CFAP44: variants seen among roughly 807,000 people sequenced by gnomAD.
CFAP44 encodes cilia and flagella associated protein 44, also known as cilia- and flagella-associated protein 44.
A neutral mutation model predicts 216.2 loss-of-function variants in CFAP44; 134 were observed. The ratio of observed to expected loss-of-function variants is 0.62; its 90% CI spans 0.54 to 0.72. CFAP44 has a LOEUF of 0.72. CFAP44 is among the 30% of genes least tolerant of loss of function. CFAP44 has a pLI of 0.00. For synonymous variants in CFAP44, 700 were observed against 727.6 expected (o/e 0.96, Z 0.61); for missense variants, 2,035 against 2,182.1 (o/e 0.93, Z 1.34).
intron 32 of CFAP44, among the ~76,000 whole-genome samples, chr3:113,300,943 T>A (rs1949928334): frequency 1.3e-5 from 2 of 152,136 alleles, no homozygotes; most frequent in Non-Finnish European, 2.9e-5. Flanking sequence ...TAATTTAACA[T>A]TTTTTAAAAA....
At position 113,396,859 on chromosome 3, in the gene CFAP44, T is replaced by G. The variant is rs567436093; in HGVS notation, c.1570-132A>C. On this transcript the variant is annotated intron_variant, in intron 13 of 34. Transcript: ENST00000393845. ...ATTGGCAATTCTTTATATCACTTTC[T>G]GGTAACCTCTATCCATTCCAGCATA... 1.5e-4 allele frequency: 126 copies of G among 846,246 alleles called. 2 individuals are homozygous for G. In the South Asian group the frequency reaches 2.2e-3, roughly 15 times the overall value. 52.4% of individuals were successfully genotyped at this position (846,246 alleles called of 1,614,324 possible).
chr3:113,356,560 C>T (rs1950493964), intron 22 of CFAP44, among the ~76,000 whole-genome samples: 1 of 152,108 alleles, frequency 6.6e-6, no homozygotes, highest in Non-Finnish European at 1.5e-5. Context: ...AGTTACCTGA[C>T]TTATGACAAA....
rs1352060717 is a variant in CFAP44 at position 113,327,670 on chromosome 3, C to T, written c.4266G>A (p.Glu1422=). The change falls in exon 27 of 35, where the codon GAG becomes GAA. Residue 1422 remains glutamate (E), a synonymous_variant. Coordinates refer to ENST00000393845, the MANE Select transcript of CFAP44 (RefSeq NM_001164496.2). The part of the protein sequence containing the change: ...ILLLKNFEKQ[E]NILQERVNSL... ...AATTAACACGTTCTTGAAGTATGTT[C>T]TCCTGTTTTTCAAAATTCTTCAGGA... 6.5e-7 allele frequency: 1 copy of T among 1,536,996 alleles called. No individual in the cohort carries two copies. The highest frequency in any genetic ancestry group is 8.7e-7 in the Non-Finnish European group (1 of 1,146,732).
At chr3:113,360,407 G>T in intron 21 of CFAP44, 2 of 230,854 alleles carry the variant, frequency 8.7e-6, no homozygotes, top group South Asian at 1.5e-4. Context: ...ATTGGGGTTT[G>T]ACAGTATTGG....
intron 32 of CFAP44, 93 bp from the exon 33 acceptor site, chr3:113,296,978 T>G: frequency 7.3e-7 from 1 of 1,378,648 alleles, no homozygotes; most frequent in South Asian, 1.3e-5. Context: ...GAACTGCTTT[T>G]GCAAGATGAT....
chr3:113,365,950 CTT>C, intron 19 of CFAP44, 87 bp downstream of exon 19: 1 of 1,424,370 alleles, frequency 7.0e-7, no homozygotes, highest in Non-Finnish European at 9.4e-7. Flanking sequence ...GTCTAAATAA[CTT>C]TTAATTTATA....
intron 14 of CFAP44, 97 bp from the exon 15 acceptor site, chr3:113,395,957 C>T (rs1335641629): frequency 1.3e-6 from 1 of 788,902 alleles, no homozygotes; most frequent in Non-Finnish European, 2.0e-6. Flanking sequence ...CTATCTCTAT[C>T]TACAATGGTC....
At chr3:113,379,644 T>C in intron 16 of CFAP44, 93 bp from the exon 17 acceptor site, 2 of 956,912 alleles carry the variant, frequency 2.1e-6, no homozygotes, top group Non-Finnish European at 3.0e-6. Context: ...AGAAAGAAGA[T>C]ACACAGCTCT....
chr3:113,288,320 G>A lies in CFAP44; in HGVS notation c.*3237C>T, dbSNP rs754414906. On this transcript the variant is annotated 3_prime_UTR_variant, in exon 35 of 35. Coordinates refer to ENST00000393845, the MANE Select transcript of CFAP44 (RefSeq NM_001164496.2). ...GCATCCTTTTTCCATCAAGCTCAAC[G>A]TCAGAGAGAACTTCATGTGGAAGTG... 2.0e-5 allele frequency: 3 copies of A among 152,124 alleles called. No individual in the cohort carries two copies. The highest frequency in any genetic ancestry group is 4.4e-5 in the Non-Finnish European group (3 of 68,024). The allele number at this position is 152,124 out of a possible 1,614,324, so 9.4% of individuals were successfully genotyped here.
chr3:113,304,045 T>C lies in CFAP44; in HGVS notation c.4948A>G (p.Arg1650Gly), dbSNP rs1397362687. The change falls in exon 32 of 35, where the codon AGA becomes GGA. Residue 1650 changes from arginine to glycine, a missense_variant. Transcript: ENST00000393845. ...TCATGGATTCGTTCTTGCAGCCGTC[T>C]CAAGGCATGGTTAGAGAAGACCAAA... ...GTLVFSNHAL[R>G]RLQERIHELQ... 2.0e-6 allele frequency: 3 copies of C among 1,537,362 alleles called. No individual in the cohort carries two copies. The highest frequency in any genetic ancestry group is 1.7e-6 in the Non-Finnish European group (2 of 1,146,930).
At chr3:113,323,505 C>T (rs1950163070) in intron 28 of CFAP44, among the ~76,000 whole-genome samples, 1 of 152,126 alleles carries the variant, frequency 6.6e-6, no homozygotes, top group Non-Finnish European at 1.5e-5. Flanking sequence ...TGAAAAACTA[C>T]CTATTTGGTA....
chr3:113,347,130 C>T (rs919485242), intron 22 of CFAP44, among the ~76,000 whole-genome samples: 1 of 152,178 alleles, frequency 6.6e-6, no homozygotes, highest in African/African-American at 2.4e-5. Flanking sequence ...GGACACCTGT[C>T]AGCCAGTTAA....
chr3:113,393,901 C>T (rs893637634), intron 15 of CFAP44, among the ~76,000 whole-genome samples: 8 of 152,146 alleles, frequency 5.3e-5, no homozygotes, highest in African/African-American at 1.2e-4. Flanking sequence ...ACTACAAGCC[C>T]GTGAGGCCCT....
chr3:113,339,602 G>A (rs1950312129), intron 24 of CFAP44, among the ~76,000 whole-genome samples: 1 of 152,212 alleles, frequency 6.6e-6, no homozygotes, highest in Admixed American at 6.5e-5. Context: ...TTACTCCGCA[G>A]GAATTGGTCC....
At chr3:113,344,434 G>A in intron 23 of CFAP44, 82 bp downstream of exon 23, 1 of 1,217,778 alleles carries the variant, frequency 8.2e-7, no homozygotes, top group East Asian at 2.6e-5. Flanking sequence ...CACCAAAGAA[G>A]GTTCAATGGT....
At chr3:113,372,366 T>C (rs1933195800) in intron 18 of CFAP44, among the ~76,000 whole-genome samples, 1 of 152,186 alleles carries the variant, frequency 6.6e-6, no homozygotes, top group African/African-American at 2.4e-5. Context: ...TAAGAAAATG[T>C]GGCACATATA....
In CFAP44 at chr3:113,291,727, G is replaced by A. The variant is rs537576746; in HGVS notation, c.5395C>T (p.Arg1799Trp). Residue 1799 changes from arginine to tryptophan, a missense_variant, in exon 35 of 35, where the codon CGG (arginine) becomes TGG (tryptophan). By Grantham distance (101) the Arg-to-Trp change is moderately radical. Around this residue, in one of 3 missense-constraint regions of CFAP44, gnomAD observed 1,883 missense variants for 2,023.7 expected, o/e 0.93. Coordinates refer to ENST00000393845, the MANE Select transcript of CFAP44 (RefSeq NM_001164496.2). ...TCTCTTGCCACAACATCTGCTTCCC[G>A]AGGGCCCTGGAAGGCATTGCCCTGT... ...NQQGNAFQGP[R>W]EADVVAREEV... 5.5e-5 allele frequency: 85 copies of A among 1,536,136 alleles called. No individual in the cohort carries two copies. In the South Asian group the frequency reaches 6.5e-4, roughly 12 times the overall value.
chr3:113,300,365 C>T (rs940583011), intron 32 of CFAP44, among the ~76,000 whole-genome samples: 13 of 151,840 alleles, frequency 8.6e-5, no homozygotes, highest in Admixed American at 7.9e-4. Flanking sequence ...AGAGTATAAT[C>T]GGATTGTTTG....
intron 28 of CFAP44, among the ~76,000 whole-genome samples, chr3:113,311,321 A>C (rs1168606445): frequency 6.6e-6 from 1 of 152,198 alleles, no homozygotes; most frequent in Non-Finnish European, 1.5e-5. Flanking sequence ...ATTGTACTCC[A>C]ATAATGCCCA....
Sources: allele counts gnomAD v4.1 joint callset (sites outside exome capture counted in the v4.1 genomes callset), GRCh38; gene constraint gnomAD v4.1.1; regional missense constraint gnomAD v4.1.1; transcripts MANE v1.5; gene names NCBI Gene and HGNC (gene_info 2026-07-23, HGNC 2026-07-21).